The following ADAMTS14 variants were observed in gnomAD, a reference collection of about 807,000 sequenced individuals.
The protein encoded by ADAMTS14 is A disintegrin and metalloproteinase with thrombospondin motifs 14.
ADAMTS14 carries 100 observed loss-of-function variants against 128.6 expected under a neutral mutation model. That is an observed-to-expected ratio of 0.78 (90% CI 0.66 to 0.92). ADAMTS14 has a LOEUF of 0.92. Among genes scored for constraint, ADAMTS14 ranks in the 40% least tolerant of loss-of-function variants. ADAMTS14 has a pLI of 0.00. For synonymous variants in ADAMTS14, 665 were observed against 653.8 expected, an observed-to-expected ratio of 1.02 and a Z score of -0.26; for missense variants, 1,562 against 1,658.6, an observed-to-expected ratio of 0.94 and a Z score of 1.01.
chr10:70,743,672 C>T lies in ADAMTS14; in HGVS notation c.2049C>T (p.Gly683=), dbSNP rs372557659. 1.1e-5 allele frequency: 18 copies of T among 1,594,706 alleles called. No individual in the cohort carries two copies. The highest frequency in any genetic ancestry group is 6.8e-5 in the East Asian group (3 of 44,112). The change falls in exon 13 of 22, where the codon GGC becomes GGT. Residue 683 remains glycine (G), a synonymous_variant. Coordinates refer to ENST00000373207, the MANE Select transcript of ADAMTS14 (RefSeq NM_080722.4). ...YRDPYSVCAR[G]ECVPVGCDKE... ...ACCCATACAGCGTCTGTGCGCGTGG[C>T]GAGTGTGTGGTGGGTGCACCCCCAG...
rs1839516943 is a variant in ADAMTS14 at position 70,672,719 on chromosome 10, C to T, written c.-84C>T. 3 of 1,377,242 alleles carry T rather than the reference C, an allele frequency of 2.2e-6. No individual in the cohort carries two copies. The highest frequency in any genetic ancestry group is 9.3e-7 in the Non-Finnish European group (1 of 1,070,106). 85.3% of individuals were successfully genotyped at this position (1,377,242 alleles called of 1,614,324 possible). On this transcript the variant is annotated 5_prime_UTR_variant, in exon 1 of 22. Transcript: ENST00000373207. ...CGGCAGCCAGCCGGTGCTCCGACAG[C>T]CCGGGGCGCACCCTAGCCTCGCCGC...
chr10:70,705,530 G>T (rs59538488), intron 3 of ADAMTS14, among the ~76,000 whole-genome samples: 7,880 of 152,356 alleles, frequency 0.052, 230 homozygotes, highest in East Asian at 0.083. Flanking sequence ...TATTCACAAT[G>T]CTGTGCAACC....
intron 5 of ADAMTS14, among the ~76,000 whole-genome samples, 181 bp from the exon 6 acceptor site, chr10:70,729,921 C>T (rs1225636525): frequency 3.9e-5 from 6 of 152,228 alleles, no homozygotes; most frequent in Non-Finnish European, 5.9e-5. Flanking sequence ...CGTGATCATC[C>T]CTGAAAGCAG....
chr10:70,751,487 C>G lies in ADAMTS14; in HGVS notation c.2437C>G (p.Pro813Ala), dbSNP rs528095489. ...PEAIAILALP[P>A]TEGGPRSSLA... The stretch of plus-strand genomic sequence containing the variant: ...CCCCATCTCCCCTCAGGCTCTCCCC[C>G]CAACTGAGGGTGGCCCCCGCAGCAG... Residue 813 changes from proline (P) to alanine (A), a missense_variant, in exon 17 of 22, where the codon CCA becomes GCA. By Grantham distance (27) the Pro-to-Ala change is conservative. Transcript: ENST00000373207. 90 of 1,605,100 alleles carry G rather than the reference C, an allele frequency of 5.6e-5. No homozygotes were observed. Among genetic ancestry groups the G allele is most frequent in the South Asian group, 2.1e-4 (19 of 90,854 alleles).
chr10:70,724,001 T>C (rs1186108645), intron 4 of ADAMTS14, among the ~76,000 whole-genome samples: 1 of 152,230 alleles, frequency 6.6e-6, no homozygotes. Context: ...GTCTTGCCTA[T>C]GAGACGGAAA....
At chr10:70,722,361 T>C (rs564885766) in intron 4 of ADAMTS14, among the ~76,000 whole-genome samples, 1 of 152,244 alleles carries the variant, frequency 6.6e-6, no homozygotes, top group African/African-American at 2.4e-5. Flanking sequence ...TCCTCTGTCT[T>C]CAAGCAATGT....
At position 70,704,581 on chromosome 10, in the gene ADAMTS14, C is replaced by T. The variant is rs543038497; in HGVS notation, c.679+2113C>T. On this transcript the variant is annotated intron_variant, in intron 3 of 21. Transcript: ENST00000373207. ...ATACCCTCATGCTCACACACTGATGCAAACACACGCTCACAAACACACACC... is the reference window on the plus strand; with the variant it reads ...ATACCCTCATGCTCACACACTGATGTAAACACACGCTCACAAACACACACC... 3.2e-3 allele frequency among the ~76,000 whole-genome samples: 489 copies of T among 151,218 alleles called. 3 individuals carry two copies. The highest frequency in any genetic ancestry group is 0.011 in the African/African-American group (454 of 41,094).
intron 2 of ADAMTS14, among the ~76,000 whole-genome samples, chr10:70,693,199 C>T (rs1840239540): frequency 6.6e-6 from 1 of 152,122 alleles, no homozygotes; most frequent in African/African-American, 2.4e-5. Context: ...AGGGATCTGC[C>T]CCCATGATCC....
At position 70,732,333 on chromosome 10, in the gene ADAMTS14, C is replaced by G; in HGVS notation, c.1182C>G (p.Phe394Leu). 6.2e-7 allele frequency: 1 copy of G among 1,614,122 alleles called. No homozygotes were observed. The highest frequency in any genetic ancestry group is 1.7e-5 in the Admixed American group (1 of 60,026). Residue 394 changes from phenylalanine (F) to leucine (L), a missense_variant, in exon 7 of 22, where the codon TTC becomes TTG. Physicochemically the swap from Phe to Leu is conservative, Grantham distance 22 (BLOSUM62 0). Coordinates refer to ENST00000373207, the MANE Select transcript of ADAMTS14 (RefSeq NM_080722.4). ...LNHEDGFSSA[F>L]VIAHETGHVL... ...ATGAGGATGGCTTCTCCTCAGCCTT[C>G]GTGATAGCTCATGAGACCGGCCACG... is the stretch of plus-strand genomic sequence containing the variant.
Position 70,743,570 on chromosome 10 carries a change from C to T in ADAMTS14, c.1947C>T (p.Ile649=). The part of the protein sequence containing the change: ...PDDDAQKCEL[I]CQSADTGDVV... Reference sequence around the variant, plus strand: ...CAGACGCCCAGAAGTGTGAGCTGATCTGCCAGTCGGCGGACACGGGGGACG... The same window carrying T: ...CAGACGCCCAGAAGTGTGAGCTGATTTGCCAGTCGGCGGACACGGGGGACG... The change falls in exon 13 of 22, where the codon ATC becomes ATT. Residue 649 remains isoleucine, a synonymous_variant. Transcript: ENST00000373207. 6.2e-7 allele frequency: 1 copy of T among 1,612,314 alleles called. No homozygotes were observed. Among genetic ancestry groups the T allele is most frequent in the Middle Eastern group, 1.7e-4 (1 of 6,042 alleles).
chr10:70,701,171 C>T (rs560575842), intron 2 of ADAMTS14, among the ~76,000 whole-genome samples: 10 of 152,298 alleles, frequency 6.6e-5, no homozygotes, highest in Non-Finnish European at 1.3e-4. Context: ...GGTGTTCAGT[C>T]GGACTTGGAG....
At chr10:70,724,618 C>A (rs1474987815) in intron 4 of ADAMTS14, among the ~76,000 whole-genome samples, 5 of 152,168 alleles carry the variant, frequency 3.3e-5, no homozygotes, top group Non-Finnish European at 7.3e-5. Flanking sequence ...GCAGCCCTGT[C>A]CAGCCACCTT....
chr10:70,680,939 C>A (rs1839782784), intron 2 of ADAMTS14, among the ~76,000 whole-genome samples: 2 of 152,180 alleles, frequency 1.3e-5, no homozygotes, highest in African/African-American at 4.8e-5. Context: ...CCGCACCCAG[C>A]CAATCGTGAT....
intron 3 of ADAMTS14, among the ~76,000 whole-genome samples, chr10:70,703,828 C>T (rs1194725879): frequency 6.6e-6 from 1 of 152,206 alleles, no homozygotes; most frequent in Non-Finnish European, 1.5e-5. Flanking sequence ...GCGACTCTTG[C>T]CCCACACCAG....
At position 70,749,974 on chromosome 10, in the gene ADAMTS14, A is replaced by G. The variant is rs1212278324; in HGVS notation, c.2416A>G (p.Ile806Val). Residue 806 changes from isoleucine (I) to valine (V), a missense_variant, in exon 16 of 22, where the codon ATT becomes GTT. Physicochemically the swap from Ile to Val is conservative, Grantham distance 29. Transcript: ENST00000373207. ...LKTSGPLPEAIAILALPPTEG... is the reference protein window; with the variant it reads ...LKTSGPLPEAVAILALPPTEG... ...GACCAGCGGGCCCCTGCCTGAAGCC[A>G]TTGCCATCCTGGTGAGCCCCACTCT... 8 of 1,613,928 alleles carry G rather than the reference A, an allele frequency of 5.0e-6. No individual in the cohort carries two copies. Among genetic ancestry groups the G allele is most frequent in the African/African-American group, 1.3e-5 (1 of 75,010 alleles).
At position 70,732,301 on chromosome 10, in the gene ADAMTS14, C is replaced by G; in HGVS notation, c.1150C>G (p.Leu384Val). ...GTGTCACCCCCTGAGGAGCTGTGCCCTCAACCATGAGGATGGCTTCTCCTC... is the reference window on the plus strand; with the variant it reads ...GTGTCACCCCCTGAGGAGCTGTGCCGTCAACCATGAGGATGGCTTCTCCTC... ...GMCHPLRSCA[L>V]NHEDGFSSAF... The change falls in exon 7 of 22, where the codon CTC becomes GTC. Residue 384 changes from leucine to valine, a missense_variant. By Grantham distance (32) the Leu-to-Val change is conservative (BLOSUM62 1). Coordinates refer to ENST00000373207, the MANE Select transcript of ADAMTS14 (RefSeq NM_080722.4). 6.2e-7 allele frequency: 1 copy of G among 1,614,220 alleles called. No homozygotes were observed. Among genetic ancestry groups the G allele is most frequent in the Non-Finnish European group, 8.5e-7 (1 of 1,180,036 alleles).
At position 70,727,588 on chromosome 10, in the gene ADAMTS14, G is replaced by A. The variant is rs775398480; in HGVS notation, c.871-1706G>A. Among the ~76,000 whole-genome samples the A allele has an allele frequency of 4.2e-5, 4 of 95,204 alleles. No individual in the cohort carries two copies. The East Asian group carries it at 6.9e-4, about 16-fold the overall frequency. The allele number at this position is 95,204 out of a possible 152,430, so 62.5% of individuals were successfully genotyped here. On this transcript the variant is annotated intron_variant, in intron 4 of 21. Coordinates refer to ENST00000373207, the MANE Select transcript of ADAMTS14 (RefSeq NM_080722.4). ...CTGGTGGCATCACATCCCTGACTGC[G>A]CTGGTGGCATCACATCCCTGACCAC...
chr10:70,743,676 T>C lies in ADAMTS14; in HGVS notation c.2053T>C (p.Cys685Arg). The C allele has an allele frequency of 1.3e-6, 2 of 1,590,516 alleles. No individual in the cohort carries two copies. Among genetic ancestry groups the C allele is most frequent in the East Asian group, 2.3e-5 (1 of 43,924 alleles). Residue 685 changes from cysteine (C) to arginine (R), a missense_variant, in exon 13 of 22, where the codon TGT (cysteine) becomes CGT (arginine). Physicochemically the swap from Cys to Arg is radical, Grantham distance 180. Coordinates refer to ENST00000373207, the MANE Select transcript of ADAMTS14 (RefSeq NM_080722.4). Reference protein sequence around the residue: ...DPYSVCARGECVPVGCDKEVG... With the variant: ...DPYSVCARGERVPVGCDKEVG... ...ATACAGCGTCTGTGCGCGTGGCGAG[T>C]GTGTGGTGGGTGCACCCCCAGCCAC...
intron 2 of ADAMTS14, among the ~76,000 whole-genome samples, chr10:70,687,162 C>G (rs1215134791): frequency 9.5e-6 from 1 of 104,978 alleles, no homozygotes. Context: ...ACCTCCCGGA[C>G]GGGGCCACTG....
Sources: gnomAD v4.1 joint callset for allele counts (sites outside exome capture counted in the v4.1 genomes callset) on GRCh38, gnomAD v4.1.1 for gene constraint, MANE v1.5 for transcripts, NCBI Gene and HGNC (gene_info 2026-07-23, HGNC 2026-07-21) for gene names.